ZAP70: variants seen among roughly 807,000 people sequenced by gnomAD.
The protein encoded by ZAP70 is tyrosine-protein kinase ZAP-70.
ZAP70 carries 27 observed loss-of-function variants against 65.8 expected under a neutral mutation model. The ratio of observed to expected loss-of-function variants is 0.41; its 90% CI spans 0.30 to 0.57. The LOEUF (loss-of-function observed/expected upper bound fraction) is 0.57, where lower values mean the gene tolerates loss of function less well. Ranked by LOEUF, ZAP70 falls within the 20% of genes least tolerant of loss-of-function variation. ZAP70 has a pLI of 0.28. For synonymous variants in ZAP70, 363 were observed against 360.8 expected, an observed-to-expected ratio of 1.01 and a Z score of -0.07; for missense variants, 696 against 870.5, an observed-to-expected ratio of 0.80 and a Z score of 2.52.
chr2:97,742,344 T>G (rs1678152621), downstream of ZAP70, among the ~76,000 whole-genome samples: 1 of 152,266 alleles, frequency 6.6e-6, no homozygotes, highest in Admixed American at 6.5e-5. Flanking sequence ...ATTTCTCTTG[T>G]AAGTGGCGAA....
At chr2:97,727,970 G>C (rs1322298577) in intron 4 of ZAP70, among the ~76,000 whole-genome samples, 1 of 152,212 alleles carries the variant, frequency 6.6e-6, no homozygotes, top group African/African-American at 2.4e-5. Context: ...GAGAGTGAGA[G>C]AAGGGTTGAG....
chr2:97,729,415 A>T (rs1677514242), intron 4 of ZAP70, among the ~76,000 whole-genome samples: 1 of 152,226 alleles, frequency 6.6e-6, no homozygotes, highest in African/African-American at 2.4e-5. Context: ...TCTGCAATTT[A>T]GGCAAGATAC....
At chr2:97,730,483 G>A (rs774009740) in intron 4 of ZAP70, among the ~76,000 whole-genome samples, 3 of 152,190 alleles carry the variant, frequency 2.0e-5, no homozygotes, top group Non-Finnish European at 4.4e-5. Flanking sequence ...TAGCAGGCTA[G>A]CTTGGACTCA....
At chr2:97,724,748 G>A in intron 3 of ZAP70, 1 of 1,506,266 alleles carries the variant, frequency 6.6e-7, no homozygotes, top group Non-Finnish European at 8.9e-7. Flanking sequence ...TGAGAGGAGG[G>A]TGCGCGGGGC....
the ZAP70 span, among the ~76,000 whole-genome samples, chr2:97,746,196 G>A: frequency 1.3e-5 from 2 of 152,172 alleles, no homozygotes; most frequent in Non-Finnish European, 2.9e-5. Flanking sequence ...ATGGATTCAC[G>A]TTTACAGAGT....
In ZAP70 at chr2:97,733,293, C is replaced by G. The variant is rs780978714; in HGVS notation, c.791-4C>G. On this transcript the variant is annotated splice_region_variant and splice_polypyrimidine_tract_variant and intron_variant, in intron 6 of 13. Coordinates refer to ENST00000264972, the MANE Select transcript of ZAP70 (RefSeq NM_001079.4). ...AGCCCTCACTGTCCCTTCTGCTCCC[C>G]CAGGGGCTGCTGCTCCCACACTCCC... is the stretch of plus-strand genomic sequence containing the variant. The G allele has an allele frequency of 6.2e-7, 1 of 1,604,758 alleles. No homozygotes were observed. Among genetic ancestry groups the G allele is most frequent in the South Asian group, 1.1e-5 (1 of 89,918 alleles).
chr2:97,718,931 G>C (rs77958564), intron 2 of ZAP70, among the ~76,000 whole-genome samples: 1 of 152,202 alleles, frequency 6.6e-6, no homozygotes, highest in Admixed American at 6.5e-5. Flanking sequence ...AGAAGATGGA[G>C]GGGAGAGGGA....
At position 97,737,649 on chromosome 2, in the gene ZAP70, A is replaced by C; in HGVS notation, c.1466A>C (p.Asp489Ala). 1 of 1,614,054 alleles carries C rather than the reference A, an allele frequency of 6.2e-7. No homozygotes were observed. The highest frequency in any genetic ancestry group is 8.5e-7 in the Non-Finnish European group (1 of 1,179,988). Residue 489 changes from aspartate (D) to alanine (A), a missense_variant, in exon 11 of 14, where the codon GAC becomes GCC. Transcript: ENST00000264972. The surrounding 1 kb of genome is among the most constrained non-coding windows in gnomAD (Gnocchi z 5.0). Reference protein sequence around the residue: ...DFGLSKALGADDSYYTARSAG... With the variant: ...DFGLSKALGAADSYYTARSAG... ...GGCCTCTCCAAAGCACTGGGTGCCGACGACAGCTACTACACTGTAAGCCTC... is the reference window on the plus strand; with the variant it reads ...GGCCTCTCCAAAGCACTGGGTGCCGCCGACAGCTACTACACTGTAAGCCTC...
At position 97,724,002 on chromosome 2, in the gene ZAP70, C is replaced by T. The variant is rs2104660632; in HGVS notation, c.-21-14C>T. 2 of 1,539,142 alleles carry T rather than the reference C, an allele frequency of 1.3e-6. No individual in the cohort carries two copies. Among genetic ancestry groups the T allele is most frequent in the South Asian group, 2.4e-5 (2 of 84,206 alleles). On this transcript the variant is annotated splice_polypyrimidine_tract_variant and intron_variant, in intron 2 of 13. Transcript: ENST00000264972. Reference sequence around the variant, plus strand: ...AAGGCCCTGACGTGCCTCCGACCCTCTGTGAACCCGCAGGTTTCGGGAGGC... The same window carrying T: ...AAGGCCCTGACGTGCCTCCGACCCTTTGTGAACCCGCAGGTTTCGGGAGGC...
At chr2:97,716,036 G>A (rs1676896273) in intron 2 of ZAP70, among the ~76,000 whole-genome samples, 2 of 152,238 alleles carry the variant, frequency 1.3e-5, no homozygotes, top group East Asian at 1.9e-4. Flanking sequence ...TGGAAGCCTA[G>A]GGGAGGTGCC....
At chr2:97,719,895 G>A (rs1573253846) in intron 2 of ZAP70, among the ~76,000 whole-genome samples, 1 of 152,080 alleles carries the variant, frequency 6.6e-6, no homozygotes, top group East Asian at 1.9e-4. Context: ...GCAACCTCTG[G>A]TGCGTTTTCC....
intron 4 of ZAP70, among the ~76,000 whole-genome samples, chr2:97,728,487 T>C (rs1448376540): frequency 1.3e-5 from 2 of 152,234 alleles, no homozygotes; most frequent in Non-Finnish European, 2.9e-5. Context: ...GAGCTTCTTC[T>C]TGTGGTTCCT....
intron 2 of ZAP70, among the ~76,000 whole-genome samples, chr2:97,719,346 G>A (rs1677071744): frequency 6.7e-6 from 1 of 149,738 alleles, no homozygotes; most frequent in African/African-American, 2.4e-5. Context: ...AAGGGGACGG[G>A]GGTGGGGGAA....
At chr2:97,753,829 A>G in the ZAP70 span, among the ~76,000 whole-genome samples, 3 of 152,226 alleles carry the variant, frequency 2.0e-5, no homozygotes, top group African/African-American at 7.2e-5. Flanking sequence ...AAATAAAAAA[A>G]TAAAAAAAAA....
At chr2:97,752,814 T>C in the ZAP70 span, among the ~76,000 whole-genome samples, 2 of 152,202 alleles carry the variant, frequency 1.3e-5, no homozygotes, top group Non-Finnish European at 2.9e-5. Context: ...AACCTGCCCA[T>C]GTGGGAGCAA....
intron 2 of ZAP70, among the ~76,000 whole-genome samples, chr2:97,719,869 C>T (rs1356181470): frequency 6.6e-6 from 1 of 152,144 alleles, no homozygotes; most frequent in Non-Finnish European, 1.5e-5. Flanking sequence ...ACTCCTTCTC[C>T]GGCCCCCAGC....
the ZAP70 span, among the ~76,000 whole-genome samples, chr2:97,752,986 A>T: frequency 2.9e-4 from 44 of 152,230 alleles, 1 homozygote; most frequent in Admixed American, 2.9e-3. Flanking sequence ...TTTTACATTG[A>T]GAGTTAATAA....
At chr2:97,744,801 A>G (rs1438165906), downstream of ZAP70, among the ~76,000 whole-genome samples, 1 of 152,210 alleles carries the variant, frequency 6.6e-6, no homozygotes, top group Non-Finnish European at 1.5e-5. Context: ...CAAAACAAAC[A>G]AAAAGTCAGA....
At chr2:97,719,811 A>G (rs1314471808) in intron 2 of ZAP70, among the ~76,000 whole-genome samples, 1 of 152,084 alleles carries the variant, frequency 6.6e-6, no homozygotes, top group Non-Finnish European at 1.5e-5. Context: ...CACCACATCA[A>G]TCAAGATACA....
Sources: allele counts gnomAD v4.1 joint callset (sites outside exome capture counted in the v4.1 genomes callset), GRCh38; gene constraint gnomAD v4.1.1; non-coding constraint Gnocchi (gnomAD v3.1); transcripts MANE v1.5; gene names NCBI Gene and HGNC (gene_info 2026-07-23, HGNC 2026-07-21).